IQSEC1: variants seen among roughly 807,000 people sequenced by gnomAD.
The protein encoded by IQSEC1 is IQ motif and SEC7 domain-containing protein 1.
IQSEC1 carries 31 observed loss-of-function variants against 91.0 expected under a neutral mutation model. That is an observed-to-expected ratio of 0.34 (90% CI 0.26 to 0.46). The LOEUF (loss-of-function observed/expected upper bound fraction) is 0.46, where lower values mean the gene tolerates loss of function less well. IQSEC1 is among the 20% of genes least tolerant of loss of function. IQSEC1 has a pLI of 1.00. For missense variants in IQSEC1, 1,388 were observed against 1,575.6 expected (o/e 0.88, Z 2.02); for synonymous variants, 699 against 662.6 (o/e 1.05, Z -0.84).
intron 12 of IQSEC1, among the ~76,000 whole-genome samples, chr3:12,903,659 C>T (rs1694633103): frequency 6.6e-6 from 1 of 152,170 alleles, no homozygotes. Context: ...CGGCCTGGCC[C>T]CGCCCAGCCT....
chr3:13,167,575 C>T (rs1358418789), intron 1 of IQSEC1, among the ~76,000 whole-genome samples: 2 of 152,064 alleles, frequency 1.3e-5, no homozygotes, highest in Non-Finnish European at 2.9e-5. Flanking sequence ...GACAGGTGGA[C>T]GTCAGCCTGG....
In IQSEC1 at chr3:13,282,120, G is replaced by C. The variant is rs540873785; in HGVS notation, c.272+591C>G. Among the ~76,000 whole-genome samples, 1 of 152,332 alleles carries C rather than the reference G, an allele frequency of 6.6e-6. No individual in the cohort carries two copies. Among genetic ancestry groups the C allele is most frequent in the East Asian group, 1.9e-4 (1 of 5,182 alleles). ...TAATCCTGGGTCCGAAATAGCCCCG[G>C]GTAATCCCAGGGCGAGGCAGTCGGG... On this transcript the variant is annotated intron_variant, in intron 1 of 15. Transcript: ENST00000648114. This position sits in a 1 kb window ranked among gnomAD's most constrained non-coding sequence, Gnocchi z 6.4.
intron 2 of IQSEC1, among the ~76,000 whole-genome samples, chr3:13,078,598 GCATCTATGTC>G (rs1705599286): frequency 6.6e-6 from 1 of 152,178 alleles, no homozygotes; most frequent in Non-Finnish European, 1.5e-5. Context: ...GATTAACAGG[GCATCTATGTC>G]CACCTGCAGG....
chr3:12,982,690 C>T (rs915290435), intron 1 of IQSEC1, among the ~76,000 whole-genome samples: 2 of 152,196 alleles, frequency 1.3e-5, no homozygotes, highest in African/African-American at 2.4e-5. Flanking sequence ...CTGGGGGGTC[C>T]CCTTTCTAGT....
intron 1 of IQSEC1, among the ~76,000 whole-genome samples, chr3:13,054,975 A>G (rs888113152): frequency 2.0e-5 from 3 of 152,218 alleles, no homozygotes; most frequent in African/African-American, 7.2e-5. Context: ...AGGGGCTGCT[A>G]CACTGGCTGA....
chr3:13,213,577 C>T (rs951672829), intron 1 of IQSEC1, among the ~76,000 whole-genome samples: 3 of 152,162 alleles, frequency 2.0e-5, no homozygotes, highest in Non-Finnish European at 4.4e-5. Flanking sequence ...ATTTTATCCA[C>T]GGCTCCTTCA....
Position 12,897,609 on chromosome 3 carries a change from C to T in IQSEC1, c.*3374G>A, listed in dbSNP as rs1693772661. 6.6e-6 allele frequency: 1 copy of T among 152,112 alleles called. No individual in the cohort carries two copies. Among genetic ancestry groups the T allele is most frequent in the African/African-American group, 2.4e-5 (1 of 41,350 alleles). 9.4% of individuals were successfully genotyped at this position (152,112 alleles called of 1,614,324 possible). On this transcript the variant is annotated 3_prime_UTR_variant, in exon 14 of 14. Transcript: ENST00000613206. Reference sequence around the variant, plus strand: ...CACCCTGCTCAGTGTTGCAATGCTGCCTTGACTATTGTTGTTACATAAAAT... The same window carrying T: ...CACCCTGCTCAGTGTTGCAATGCTGTCTTGACTATTGTTGTTACATAAAAT...
intron 1 of IQSEC1, among the ~76,000 whole-genome samples, chr3:12,956,593 G>A (rs769767251): frequency 2.0e-5 from 3 of 152,214 alleles, no homozygotes; most frequent in Non-Finnish European, 2.9e-5. Context: ...AAAGCCATCT[G>A]ATACCTGGTG....
At chr3:13,033,345 C>A (rs1330078375) in intron 1 of IQSEC1, among the ~76,000 whole-genome samples, 1 of 152,150 alleles carries the variant, frequency 6.6e-6, no homozygotes, top group Non-Finnish European at 1.5e-5. Context: ...GAGGCTTAAA[C>A]AACAGAAATG....
intron 1 of IQSEC1, among the ~76,000 whole-genome samples, chr3:13,012,379 C>T (rs1702923195): frequency 6.6e-6 from 1 of 152,200 alleles, no homozygotes; most frequent in Admixed American, 6.5e-5. Flanking sequence ...TTGGGGAACT[C>T]CTCCAGATAA....
rs564344283 is a variant in IQSEC1 at position 13,032,863 on chromosome 3, C to T, written c.23+40129G>A. 7.9e-5 allele frequency among the ~76,000 whole-genome samples: 12 copies of T among 152,228 alleles called. No homozygotes were observed. The South Asian group carries it at 2.3e-3, about 29-fold the overall frequency. ...CCTCCCAAAGTGCTGGGATTACAGG[C>T]CTTAAAAATATTTTTTAAAACATTA... On this transcript the variant is annotated intron_variant, in intron 1 of 13. Coordinates refer to ENST00000613206, the MANE Select transcript of IQSEC1 (RefSeq NM_001134382.3).
At chr3:13,049,761 C>T (rs901651346) in intron 1 of IQSEC1, among the ~76,000 whole-genome samples, 1 of 152,086 alleles carries the variant, frequency 6.6e-6, no homozygotes, top group Non-Finnish European at 1.5e-5. Context: ...ATTTTTTGAG[C>T]AGTTTCTGAG....
intron 2 of IQSEC1, among the ~76,000 whole-genome samples, chr3:13,087,877 T>C (rs1351495879): frequency 6.6e-6 from 1 of 152,150 alleles, no homozygotes; most frequent in African/African-American, 2.4e-5. Context: ...GCCGAACTTA[T>C]CCTGTTTATC....
intron 2 of IQSEC1, among the ~76,000 whole-genome samples, chr3:13,143,850 T>G (rs553778747): frequency 1.3e-5 from 2 of 152,314 alleles, no homozygotes; most frequent in South Asian, 2.1e-4. Flanking sequence ...GATGCAGCCT[T>G]GCCTGATGCC....
chr3:13,212,960 T>A (rs563676132), intron 1 of IQSEC1, among the ~76,000 whole-genome samples: 1 of 152,260 alleles, frequency 6.6e-6, no homozygotes, highest in Non-Finnish European at 1.5e-5. Flanking sequence ...AAGTCTCTTA[T>A]CAAATATATG....
rs767180410 is a variant in IQSEC1, at chr3:12,899,087, GCT to G, written c.*1894_*1895del. 3.5e-5 allele frequency: 16 copies of G among 457,088 alleles called. No individual in the cohort carries two copies. Among genetic ancestry groups the G allele is most frequent in the South Asian group, 1.8e-4 (6 of 33,042 alleles). 28.3% of individuals were successfully genotyped at this position (457,088 alleles called of 1,614,324 possible). On this transcript the variant is annotated 3_prime_UTR_variant, in exon 14 of 14. Transcript: ENST00000613206. Reference sequence around the variant, plus strand: ...GGCTAAACTCTAGATTGCTGTATTTGCTCTCTCTGGAGATTAACAAAGTGCTT... The same window carrying G: ...GGCTAAACTCTAGATTGCTGTATTTGCTCTCTGGAGATTAACAAAGTGCTT...
At chr3:12,946,260 T>C (rs2569996) in intron 1 of IQSEC1, among the ~76,000 whole-genome samples, 33,319 of 152,174 alleles carry the variant, frequency 0.22, 3,805 homozygotes, top group Middle Eastern at 0.26. Flanking sequence ...TTGGGGATGC[T>C]TCTCCCAAAA....
intron 1 of IQSEC1, among the ~76,000 whole-genome samples, chr3:13,238,353 C>T (rs1694968081): frequency 6.6e-6 from 1 of 152,226 alleles, no homozygotes; most frequent in African/African-American, 2.4e-5. Context: ...TCTTGCACCC[C>T]AAGCTCCAGC....
intron 1 of IQSEC1, among the ~76,000 whole-genome samples, chr3:13,023,535 C>T (rs531153328): frequency 8.1e-4 from 123 of 152,270 alleles, no homozygotes; most frequent in African/African-American, 2.8e-3. Flanking sequence ...TTCCATTTCA[C>T]CGGGGGAAAC....
Sources: gnomAD v4.1 joint callset for allele counts (sites outside exome capture counted in the v4.1 genomes callset) on GRCh38, gnomAD v4.1.1 for gene constraint, Gnocchi (gnomAD v3.1) non-coding constraint, MANE v1.5 for transcripts, NCBI Gene and HGNC (gene_info 2026-07-23, HGNC 2026-07-21) for gene names.